Variants in WNK2 observed in about 807,000 individuals in gnomAD.
WNK2 encodes the protein serine/threonine-protein kinase WNK2.
In WNK2, 67 loss-of-function variants were observed where a neutral mutation model predicts 192.1. That is an observed-to-expected ratio of 0.35 (90% CI 0.29 to 0.43). WNK2 has a LOEUF of 0.43. Among genes scored for constraint, WNK2 ranks in the 20% least tolerant of loss-of-function variants. The pLI is 1.00. For synonymous variants in WNK2, 1,439 were observed against 1,393.9 expected (o/e 1.03, Z -0.72); for missense variants, 2,698 against 3,089.7 (o/e 0.87, Z 3.01).
Position 93,261,869 on chromosome 9 carries a change from C to G in WNK2, c.3122C>G (p.Thr1041Ser), listed in dbSNP as rs1564115884. 1 of 1,600,732 alleles carries G rather than the reference C, an allele frequency of 6.2e-7. No individual in the cohort carries two copies. The highest frequency in any genetic ancestry group is 2.2e-5 in the East Asian group (1 of 44,860). ...YAVDVAAQVP[T>S]VPVPPAAVLS... ...GTGGACGTCGCCGCTCAGGTCCCCACCGTGCCTGTGCCACCGGCTGCGGTC... is the reference window on the plus strand; with the variant it reads ...GTGGACGTCGCCGCTCAGGTCCCCAGCGTGCCTGTGCCACCGGCTGCGGTC... The change falls in exon 13 of 30, where the codon ACC becomes AGC. Residue 1041 changes from threonine (T) to serine (S), a missense_variant. Thr to Ser is a moderately conservative substitution (Grantham distance 58, BLOSUM62 1). Coordinates refer to ENST00000427277, the MANE Select transcript of WNK2 (RefSeq NM_006648.4).
At chr9:93,240,161 G>A (rs1302630981) in intron 7 of WNK2, among the ~76,000 whole-genome samples, 185 bp downstream of exon 7, 1 of 152,144 alleles carries the variant, frequency 6.6e-6, no homozygotes, top group Non-Finnish European at 1.5e-5. Context: ...GTCTGCCTAG[G>A]GTCTGCACAG....
At chr9:93,309,006 A>G (rs1853147966) in intron 28 of WNK2, 1 of 1,015,326 alleles carries the variant, frequency 9.8e-7, no homozygotes, top group African/African-American at 1.7e-5. Flanking sequence ...GCGTCTGGCC[A>G]TAGCTCACAC....
chr9:93,274,184 A>AC (rs1473147935), intron 19 of WNK2, among the ~76,000 whole-genome samples: 2 of 152,234 alleles, frequency 1.3e-5, no homozygotes, highest in Non-Finnish European at 2.9e-5. Context: ...AAAATGATAA[A>AC]CCTCTAGCAA....
At chr9:93,299,032 G>T in intron 24 of WNK2, 38 bp from the exon 25 acceptor site, 1 of 1,585,458 alleles carries the variant, frequency 6.3e-7, no homozygotes, top group Non-Finnish European at 8.6e-7. Flanking sequence ...ACCCGGCGGC[G>T]CCTCATCGTG....
chr9:93,314,560 C>G (rs1371014653), intron 28 of WNK2, among the ~76,000 whole-genome samples: 1 of 152,052 alleles, frequency 6.6e-6, no homozygotes, highest in African/African-American at 2.4e-5. Context: ...CACTTATAAG[C>G]AATGATGCCA....
In WNK2 at chr9:93,269,598, A is replaced by C. The variant is rs565296304; in HGVS notation, c.4033+852A>C. On this transcript the variant is annotated intron_variant, in intron 19 of 29. Coordinates refer to ENST00000427277, the MANE Select transcript of WNK2 (RefSeq NM_006648.4). The stretch of plus-strand genomic sequence containing the variant: ...ATCAGAGAGAAGCAGCCTTGCCTAC[A>C]AGATTGAATTTTTAAATAAGTATAT... Among the ~76,000 whole-genome samples the C allele has an allele frequency of 2.0e-5, 3 of 152,342 alleles. 1 individual carries two copies. In the South Asian group the frequency reaches 6.2e-4, roughly 32 times the overall value.
chr9:93,216,461 C>A (rs1238555097), intron 2 of WNK2, among the ~76,000 whole-genome samples: 1 of 151,988 alleles, frequency 6.6e-6, no homozygotes, highest in African/African-American at 2.4e-5. Context: ...GCCTGGGCAA[C>A]ATGGCAAAAC....
chr9:93,303,883 T>C (rs1380444487), intron 26 of WNK2, among the ~76,000 whole-genome samples: 1 of 152,228 alleles, frequency 6.6e-6, no homozygotes, highest in Non-Finnish European at 1.5e-5. Context: ...GTTTTGTCCC[T>C]GGATGCCCAT....
In WNK2 at chr9:93,256,376, G is replaced by C. The variant is rs756206792; in HGVS notation, c.2112G>C (p.Met704Ile). ...AGCAGCACTTCCCGGATCCGGCCAT[G>C]AGCTTCGCCCCCGTGCTGCCGCCGC... Reference protein sequence around the residue: ...SLQQHFPDPAMSFAPVLPPPS... With the variant: ...SLQQHFPDPAISFAPVLPPPS... The change falls in exon 10 of 30, where the codon ATG becomes ATC. Residue 704 changes from methionine to isoleucine, a missense_variant. Transcript: ENST00000427277. 8 of 1,572,702 alleles carry C rather than the reference G, an allele frequency of 5.1e-6. No homozygotes were observed. In the East Asian group the frequency reaches 1.9e-4, roughly 36 times the overall value.
At position 93,252,908 on chromosome 9, in the gene WNK2, G is replaced by A; in HGVS notation, c.1860G>A (p.Gln620=). Residue 620 remains glutamine, a synonymous_variant, in exon 9 of 30, where the codon CAG becomes CAA. Transcript: ENST00000427277. The part of the protein sequence containing the change: ...LASDSTFDSG[Q]GSTVYSDSQS... ...CGGACAGCACCTTCGACAGCGGCCA[G>A]GGCTCTACCGTGTACTCAGACTCGC... is the stretch of plus-strand genomic sequence containing the variant. 2.0e-6 allele frequency: 3 copies of A among 1,538,134 alleles called. No homozygotes were observed. The highest frequency in any genetic ancestry group is 8.8e-7 in the Non-Finnish European group (1 of 1,141,774).
In WNK2 at chr9:93,264,006, C is replaced by T. The variant is rs926350852; in HGVS notation, c.3669C>T (p.Asp1223=). 42 of 1,613,094 alleles carry T rather than the reference C, an allele frequency of 2.6e-5. No individual in the cohort carries two copies. The highest frequency in any genetic ancestry group is 1.6e-4 in the Middle Eastern group (1 of 6,084). ...CCTTCAAGTTCGACTTGGACGGGGA[C>T]GCACCCGATGAAATTGCCACGTATA... ...MVTFKFDLDG[D]APDEIATYMV... is the part of the protein sequence containing the mutation. The change falls in exon 16 of 30, where the codon GAC becomes GAT. Residue 1223 remains aspartate (D), a synonymous_variant. Coordinates refer to ENST00000427277, the MANE Select transcript of WNK2 (RefSeq NM_006648.4).
chr9:93,294,342 G>C (rs756910813), intron 23 of WNK2, among the ~76,000 whole-genome samples: 19 of 152,224 alleles, frequency 1.2e-4, no homozygotes, highest in Non-Finnish European at 2.8e-4. Flanking sequence ...GCAGGGATGG[G>C]TGGAATCACT....
chr9:93,198,657 G>T (rs1254326880), intron 2 of WNK2, among the ~76,000 whole-genome samples: 1 of 152,210 alleles, frequency 6.6e-6, no homozygotes, highest in Non-Finnish European at 1.5e-5. Flanking sequence ...CTCTGATGTG[G>T]CAGTTTTCAC....
chr9:93,252,071 TC>T lies in WNK2; in HGVS notation c.1835-811del, dbSNP rs201886037. On this transcript the variant is annotated intron_variant, in intron 8 of 29. Transcript: ENST00000427277. ...TTTGTAAGTGGTAAATTCTAAAGTTTCTGTAGCTTTTGGCATCTGGAAGCAG... is the reference window on the plus strand; with the variant it reads ...TTTGTAAGTGGTAAATTCTAAAGTTTTGTAGCTTTTGGCATCTGGAAGCAG... Among the ~76,000 whole-genome samples the T allele has an allele frequency of 8.5e-3, 1,288 of 152,332 alleles. 16 individuals are homozygous for T. The highest frequency in any genetic ancestry group is 0.029 in the African/African-American group (1,200 of 41,560).
At chr9:93,301,153 T>C (rs1160963254) in intron 26 of WNK2, among the ~76,000 whole-genome samples, 1 of 152,240 alleles carries the variant, frequency 6.6e-6, no homozygotes, top group Non-Finnish European at 1.5e-5. Context: ...ACGCAGTTTG[T>C]TTTTAACCCT....
At position 93,263,638 on chromosome 9, in the gene WNK2, G is replaced by A. The variant is rs1319757016; in HGVS notation, c.3483G>A (p.Arg1161=). 6.2e-7 allele frequency: 1 copy of A among 1,607,018 alleles called. No homozygotes were observed. Among genetic ancestry groups the A allele is most frequent in the South Asian group, 1.1e-5 (1 of 89,960 alleles). The part of the protein sequence containing the change: ...DSCEGAFGGG[R]LEGRAARKHH... ...GTGAAGGCGCCTTTGGAGGGGGCAG[G>A]CTGGAGGGCAGGGCAGCCCGAAAAC... Residue 1161 remains arginine (R), a synonymous_variant, in exon 15 of 30, where the codon AGG becomes AGA. Coordinates refer to ENST00000427277, the MANE Select transcript of WNK2 (RefSeq NM_006648.4).
chr9:93,258,901 C>T lies in WNK2; in HGVS notation c.2383-30C>T, dbSNP rs371592882. 8 of 1,582,526 alleles carry T rather than the reference C, an allele frequency of 5.1e-6. No homozygotes were observed. The African/African-American group carries it at 5.4e-5, about 11-fold the overall frequency. ...GTGGGCAGGGACCCTGGTTGGGGCC[C>T]ACACTGACACACTCCTGTGTCTCTT... is the stretch of plus-strand genomic sequence containing the variant. On this transcript the variant is annotated intron_variant, in intron 11 of 29. Transcript: ENST00000427277.
chr9:93,288,875 G>T lies in WNK2; in HGVS notation c.4121G>T (p.Ser1374Ile). 1 of 1,611,620 alleles carries T rather than the reference G, an allele frequency of 6.2e-7. No individual in the cohort carries two copies. Among genetic ancestry groups the T allele is most frequent in the Non-Finnish European group, 8.5e-7 (1 of 1,179,412 alleles). ...CAGCTCCTGAGCCAGGCGGGCCCCA[G>T]CAACCCTCCTGGGGCACCCCCAGCC... ...SQQLLSQAGP[S>I]NPPGAPPAPL... Residue 1374 changes from serine to isoleucine, a missense_variant, in exon 20 of 30, where the codon AGC (serine) becomes ATC (isoleucine). Ser to Ile is a moderately radical substitution (Grantham distance 142, BLOSUM62 -2). This residue lies in a region of WNK2 where 1,098 missense variants were observed against 1,101.0 expected (regional missense o/e 1.00). Coordinates refer to ENST00000427277, the MANE Select transcript of WNK2 (RefSeq NM_006648.4).
intron 2 of WNK2, 25 bp downstream of exon 2, chr9:93,185,635 G>A: frequency 6.3e-7 from 1 of 1,595,842 alleles, no homozygotes. Flanking sequence ...GCCCGCAGGG[G>A]GCTTTCCGCA....
Sources: allele counts gnomAD v4.1 joint callset (sites outside exome capture counted in the v4.1 genomes callset), GRCh38; gene constraint gnomAD v4.1.1; regional missense constraint gnomAD v4.1.1; transcripts MANE v1.5; gene names NCBI Gene and HGNC (gene_info 2026-07-23, HGNC 2026-07-21).